Variants in INSR observed in about 807,000 individuals in gnomAD.
The protein encoded by INSR is IR.
In INSR, 67 loss-of-function variants were observed where a neutral mutation model predicts 142.6. The ratio of observed to expected loss-of-function variants is 0.47; its 90% CI spans 0.39 to 0.58. The LOEUF is 0.58. INSR is among the 20% of genes least tolerant of loss of function. The probability of loss-of-function intolerance (pLI) is 0.00; values close to 1 mark genes in which losing one functional copy is unlikely to be tolerated. For synonymous variants in INSR, 756 were observed against 743.1 expected (o/e 1.02, Z -0.28); for missense variants, 1,248 against 1,833.2 (o/e 0.68, Z 5.83).
chr19:7,155,380 A>G (rs965797268), intron 9 of INSR, among the ~76,000 whole-genome samples: 1 of 151,976 alleles, frequency 6.6e-6, no homozygotes, highest in Non-Finnish European at 1.5e-5. Context: ...CTACTAAAAA[A>G]TCCAAAAATC....
intron 2 of INSR, among the ~76,000 whole-genome samples, chr19:7,217,811 G>A (rs939878557): frequency 1.6e-4 from 24 of 152,342 alleles, no homozygotes; most frequent in Non-Finnish European, 3.4e-4. Context: ...CACCCGCCTT[G>A]GCCTCCCAAA....
intron 13 of INSR, among the ~76,000 whole-genome samples, chr19:7,134,922 C>T (rs1386704129): frequency 6.6e-6 from 1 of 151,762 alleles, no homozygotes; most frequent in East Asian, 1.9e-4. Flanking sequence ...AATTCCAGAA[C>T]TTATGAGAAG....
Position 7,267,007 on chromosome 19 carries a change from C to T in INSR, c.652+338G>A, listed in dbSNP as rs1288781961. 6.6e-6 allele frequency among the ~76,000 whole-genome samples: 1 copy of T among 152,060 alleles called. No individual in the cohort carries two copies. Among genetic ancestry groups the T allele is most frequent in the Non-Finnish European group, 1.5e-5 (1 of 68,000 alleles). The stretch of plus-strand genomic sequence containing the variant: ...TAGCACAGGCGGTGGCAAACTGCTG[C>T]CCTCGAGCAAAATCCGGCCCACGAC... On this transcript the variant is annotated intron_variant, in intron 2 of 21. Transcript: ENST00000302850. The surrounding 1 kb of genome is among the most constrained non-coding windows in gnomAD (Gnocchi z 6.3).
At chr19:7,224,436 G>A (rs1210232320) in intron 2 of INSR, among the ~76,000 whole-genome samples, 1 of 152,070 alleles carries the variant, frequency 6.6e-6, no homozygotes, top group Non-Finnish European at 1.5e-5. Flanking sequence ...AACACGGGAA[G>A]CTCTGAAAAC....
At chr19:7,217,043 C>G (rs4804100) in intron 2 of INSR, among the ~76,000 whole-genome samples, 135,057 of 148,110 alleles carry the variant, frequency 0.91, 61,621 homozygotes, top group South Asian at 0.96. Context: ...ATGTTGCCCA[C>G]ACTGGTCTCA....
At chr19:7,153,033 CACACACACCACACA>C (rs1973430160) in intron 9 of INSR, 106 bp from the exon 10 acceptor site, 18 of 497,558 alleles carry the variant, frequency 3.6e-5, no homozygotes, top group East Asian at 1.9e-4. Context: ...ACACCACACA[CACACACACCACACA>C]CCCCCCCACA....
chr19:7,266,892 C>G (rs1967749187), intron 2 of INSR, among the ~76,000 whole-genome samples: 1 of 152,074 alleles, frequency 6.6e-6, no homozygotes, highest in Non-Finnish European at 1.5e-5. Context: ...CTTCTATAAT[C>G]AGATAAGAAC....
At chr19:7,165,464 T>C (rs1226015122) in intron 8 of INSR, among the ~76,000 whole-genome samples, 1 of 151,866 alleles carries the variant, frequency 6.6e-6, no homozygotes, top group African/African-American at 2.4e-5. Context: ...TTGTGAATAT[T>C]TGACAATTTT....
At position 7,150,692 on chromosome 19, in the gene INSR, C is replaced by CT. The variant is rs1973314907; in HGVS notation, c.2232-161dup. The stretch of plus-strand genomic sequence containing the variant: ...ACTTGCTAGACGGAGTGAGCTACAT[C>CT]TTCCCCAGCAGGTGCAGGGGTCCAG... On this transcript the variant is annotated intron_variant, in intron 10 of 21. Transcript: ENST00000302850. The surrounding 1 kb of genome is among the most constrained non-coding windows in gnomAD (Gnocchi z 4.2). Among the ~76,000 whole-genome samples the CT allele has an allele frequency of 2.0e-5, 3 of 152,230 alleles. No homozygotes were observed. Among genetic ancestry groups the CT allele is most frequent in the African/African-American group, 7.2e-5 (3 of 41,448 alleles).
intron 2 of INSR, among the ~76,000 whole-genome samples, chr19:7,188,407 G>A (rs1265440493): frequency 2.6e-5 from 4 of 151,734 alleles, no homozygotes; most frequent in African/African-American, 7.3e-5. Flanking sequence ...TTAGCTGGGC[G>A]TGGTGGTGGG....
intron 2 of INSR, among the ~76,000 whole-genome samples, chr19:7,251,704 T>A (rs975599647): frequency 6.6e-6 from 1 of 151,830 alleles, no homozygotes; most frequent in African/African-American, 2.4e-5. Context: ...GTGACTAGGA[T>A]GTGGTCCGTG....
chr19:7,198,578 CGGGAGG>C (rs1300263231), intron 2 of INSR, among the ~76,000 whole-genome samples: 1 of 152,016 alleles, frequency 6.6e-6, no homozygotes, highest in African/African-American at 2.4e-5. Flanking sequence ...AGGCCTCCCT[CGGGAGG>C]GGTCCAGAAA....
chr19:7,183,792 C>T (rs990331264), intron 3 of INSR, among the ~76,000 whole-genome samples: 1 of 152,006 alleles, frequency 6.6e-6, no homozygotes, highest in African/African-American at 2.4e-5. Flanking sequence ...GGTGCGGTGG[C>T]TCACACCTGC....
Position 7,166,299 on chromosome 19 carries a change from T to C in INSR, c.1716A>G (p.Ser572=), listed in dbSNP as rs1973887683. The C allele has an allele frequency of 4.3e-6, 7 of 1,614,136 alleles. No homozygotes were observed. The highest frequency in any genetic ancestry group is 5.9e-6 in the Non-Finnish European group (7 of 1,180,030). Residue 572 remains serine (S), a synonymous_variant, in exon 8 of 22, where the codon TCA becomes TCG. Transcript: ENST00000302850. The surrounding 1 kb of genome is among the most constrained non-coding windows in gnomAD (Gnocchi z 4.1). ...DPPLRSNDPK[S]QNHPGWLMRG... The stretch of plus-strand genomic sequence containing the variant: ...GCATCAGCCACCCTGGGTGGTTCTG[T>C]GATTTGGGGTCGTTGGACCTCAGGG...
chr19:7,229,224 ATGG>A (rs1467332131), intron 2 of INSR, among the ~76,000 whole-genome samples: 2 of 67,444 alleles, frequency 3.0e-5, no homozygotes, highest in Non-Finnish European at 5.7e-5. Flanking sequence ...TGGATAATAG[ATGG>A]TGGGTGGTGA....
chr19:7,129,882 C>A (rs979470864), intron 14 of INSR, among the ~76,000 whole-genome samples: 1 of 152,102 alleles, frequency 6.6e-6, no homozygotes, highest in Admixed American at 6.6e-5. Context: ...GGATTACAAG[C>A]ATGCACCACC....
intron 13 of INSR, among the ~76,000 whole-genome samples, chr19:7,140,381 A>G (rs1973039780): frequency 6.6e-6 from 1 of 152,220 alleles, no homozygotes; most frequent in African/African-American, 2.4e-5. Context: ...ATTCATTTAC[A>G]TATCACCCAT....
intron 2 of INSR, among the ~76,000 whole-genome samples, chr19:7,223,396 AC>A (rs1021354018): frequency 6.6e-6 from 1 of 152,168 alleles, no homozygotes; most frequent in African/African-American, 2.4e-5. Context: ...AGAAAATTCA[AC>A]TGGTGTCCAG....
intron 1 of INSR, among the ~76,000 whole-genome samples, chr19:7,290,140 C>T (rs941844021): frequency 6.6e-6 from 1 of 152,204 alleles, no homozygotes; most frequent in Non-Finnish European, 1.5e-5. Flanking sequence ...CACCGTGGCT[C>T]ATGCCTGTGA....
Sources: allele counts gnomAD v4.1 joint callset (sites outside exome capture counted in the v4.1 genomes callset), GRCh38; gene constraint gnomAD v4.1.1; non-coding constraint Gnocchi (gnomAD v3.1); transcripts MANE v1.5; gene names NCBI Gene and HGNC (gene_info 2026-07-23, HGNC 2026-07-21).